Variants in TFEC observed in about 807,000 individuals in gnomAD.
The protein encoded by TFEC is class E basic helix-loop-helix protein 34.
A neutral mutation model predicts 41.6 loss-of-function variants in TFEC; 31 were observed. That is an observed-to-expected ratio of 0.74 (90% confidence interval 0.56 to 1.01). The LOEUF (loss-of-function observed/expected upper bound fraction) is 1.01, where lower values mean the gene tolerates loss of function less well. Ranked by LOEUF, TFEC falls within the 50% of genes least tolerant of loss-of-function variation. The probability of loss-of-function intolerance (pLI) is 0.00; values close to 1 mark genes in which losing one functional copy is unlikely to be tolerated. For missense variants in TFEC, 402 were observed against 404.1 expected, an observed-to-expected ratio of 0.99 and a Z score of 0.04; for synonymous variants, 143 against 140.6, an observed-to-expected ratio of 1.02 and a Z score of -0.12.
chr7:116,001,015 G>A lies in TFEC; in HGVS notation c.-72-16502C>T, dbSNP rs138494414. Among the ~76,000 whole-genome samples the A allele has an allele frequency of 5.3e-5, 8 of 150,766 alleles. No individual in the cohort carries two copies. In the South Asian group the frequency reaches 1.3e-3, roughly 24 times the overall value. ...CCCAGGATATCCAAAGCTATCCAGA[G>A]CAAAAATAACATACTGGAGGAATCA... On this transcript the variant is annotated intron_variant, in intron 1 of 7. Transcript: ENST00000265440.
At chr7:116,066,492 T>C (rs985913577) in intron 3 of TFEC, among the ~76,000 whole-genome samples, 1 of 152,018 alleles carries the variant, frequency 6.6e-6, no homozygotes, top group African/African-American at 2.4e-5. Context: ...GTTATATATA[T>C]ATATATGAGA....
At chr7:116,008,248 C>T (rs910666580) in intron 1 of TFEC, among the ~76,000 whole-genome samples, 3 of 152,134 alleles carry the variant, frequency 2.0e-5, no homozygotes, top group African/African-American at 7.2e-5. Flanking sequence ...ACCTAATAAG[C>T]CTGTTTAAAC....
At chr7:115,993,785 G>A (rs1395785283) in intron 1 of TFEC, among the ~76,000 whole-genome samples, 2 of 151,928 alleles carry the variant, frequency 1.3e-5, no homozygotes, top group East Asian at 3.9e-4. Context: ...ACTGCCCAAG[G>A]TAATTTATAG....
chr7:116,051,878 G>A (rs1796320604), intron 3 of TFEC, among the ~76,000 whole-genome samples: 1 of 151,890 alleles, frequency 6.6e-6, no homozygotes, highest in East Asian at 1.9e-4. Flanking sequence ...CTAAGGATTA[G>A]GTAAGTAACT....
At chr7:116,025,100 A>G (rs1186135788) in intron 1 of TFEC, among the ~76,000 whole-genome samples, 1 of 152,208 alleles carries the variant, frequency 6.6e-6, no homozygotes, top group Non-Finnish European at 1.5e-5. Context: ...AATTGGCAAT[A>G]CATTTTGAGA....
rs534809258 is a variant in TFEC, at chr7:115,948,060, T to C, written c.515+2814A>G. ...AAATACAAACTACCATCAGAGAATA[T>C]TACCAACACCTCTACTCAAATAAAC... is the stretch of plus-strand genomic sequence containing the variant. On this transcript the variant is annotated intron_variant, in intron 6 of 7. Coordinates refer to ENST00000265440, the MANE Select transcript of TFEC (RefSeq NM_012252.4). Among the ~76,000 whole-genome samples, 50 of 152,142 alleles carry C rather than the reference T, an allele frequency of 3.3e-4. 1 individual carries two copies. The highest frequency in any genetic ancestry group is 1.2e-3 in the African/African-American group (48 of 41,530).
intron 3 of TFEC, among the ~76,000 whole-genome samples, chr7:116,074,641 T>C (rs191944590): frequency 1.1e-3 from 160 of 152,266 alleles, no homozygotes; most frequent in African/African-American, 3.4e-3. Context: ...AACTGGAATG[T>C]TTATAAATTT....
chr7:116,149,196 A>G (rs1487636701), intron 1 of TFEC, among the ~76,000 whole-genome samples: 2 of 152,210 alleles, frequency 1.3e-5, no homozygotes, highest in Non-Finnish European at 2.9e-5. Context: ...CAAAAAAGTT[A>G]GTTATTAGAG....
chr7:116,005,937 G>A (rs1794771501), intron 1 of TFEC, among the ~76,000 whole-genome samples: 2 of 152,244 alleles, frequency 1.3e-5, no homozygotes, highest in Admixed American at 6.5e-5. Context: ...GTACAGCTAG[G>A]GCTGTTGCTT....
chr7:116,043,967 A>G (rs897617330), intron 3 of TFEC, among the ~76,000 whole-genome samples: 1 of 152,190 alleles, frequency 6.6e-6, no homozygotes, highest in Non-Finnish European at 1.5e-5. Flanking sequence ...TGTGAACTAC[A>G]AAGCCTCTAG....
At chr7:116,003,376 G>A (rs1204366884) in intron 1 of TFEC, among the ~76,000 whole-genome samples, 1 of 152,122 alleles carries the variant, frequency 6.6e-6, no homozygotes, top group Non-Finnish European at 1.5e-5. Context: ...AGCAAGGTAA[G>A]TGATTAGGGA....
At chr7:115,944,302 G>A (rs935488195) in intron 6 of TFEC, among the ~76,000 whole-genome samples, 1 of 151,372 alleles carries the variant, frequency 6.6e-6, no homozygotes, top group South Asian at 2.2e-4. Context: ...ATGGACAAAA[G>A]TGTTTCCAAG....
intron 3 of TFEC, among the ~76,000 whole-genome samples, chr7:116,057,255 T>G (rs1252183356): frequency 6.6e-6 from 1 of 151,898 alleles, no homozygotes; most frequent in Non-Finnish European, 1.5e-5. Flanking sequence ...GAAGAAATAA[T>G]AGCTCAAAAT....
At chr7:116,091,796 A>G (rs1797334595) in intron 3 of TFEC, among the ~76,000 whole-genome samples, 2 of 152,108 alleles carry the variant, frequency 1.3e-5, no homozygotes, top group South Asian at 4.1e-4. Flanking sequence ...ACATGTGCTT[A>G]GTTGTATAGA....
intron 2 of TFEC, among the ~76,000 whole-genome samples, chr7:115,975,497 A>G (rs1382698995): frequency 6.6e-6 from 1 of 152,134 alleles, no homozygotes; most frequent in African/African-American, 2.4e-5. Context: ...CTACTAAGAT[A>G]CTCCAAAAAA....
chr7:116,121,433 G>A (rs1382643438), intron 1 of TFEC: 1 of 151,880 alleles, frequency 6.6e-6, no homozygotes, highest in African/African-American at 2.4e-5. Context: ...ACCTGCTAAT[G>A]GACACGGAGT....
intron 4 of TFEC, among the ~76,000 whole-genome samples, chr7:115,954,853 C>G (rs1792138049): frequency 6.6e-6 from 1 of 151,976 alleles, no homozygotes; most frequent in African/African-American, 2.4e-5. Flanking sequence ...ATAATAAAAA[C>G]TGAATTTATT....
chr7:116,064,017 A>C (rs1185878374), intron 3 of TFEC, among the ~76,000 whole-genome samples: 1 of 152,206 alleles, frequency 6.6e-6, no homozygotes, highest in Non-Finnish European at 1.5e-5. Flanking sequence ...CTTATATAGA[A>C]GATCTAAAAA....
chr7:116,130,736 C>T (rs992446747), intron 1 of TFEC, among the ~76,000 whole-genome samples: 2 of 152,176 alleles, frequency 1.3e-5, no homozygotes, highest in Non-Finnish European at 2.9e-5. Flanking sequence ...CCTCAGCCTC[C>T]CATGTAGCTG....
Sources: allele counts gnomAD v4.1 joint callset (sites outside exome capture counted in the v4.1 genomes callset), GRCh38; gene constraint gnomAD v4.1.1; transcripts MANE v1.5; gene names NCBI Gene and HGNC (gene_info 2026-07-23, HGNC 2026-07-21).